GPR158: variants seen among roughly 807,000 people sequenced by gnomAD.
GPR158 encodes the protein metabotropic glycine receptor.
A neutral mutation model predicts 78.2 loss-of-function variants in GPR158; 30 were observed. The observed-to-expected ratio is 0.38, with a 90% confidence interval of 0.29 to 0.52. The LOEUF is 0.52. Among genes scored for constraint, GPR158 ranks in the 20% least tolerant of loss-of-function variants. The probability of loss-of-function intolerance (pLI) is 0.83; values close to 1 mark genes in which losing one functional copy is unlikely to be tolerated. For missense variants in GPR158, 1,463 were observed against 1,523.5 expected, an observed-to-expected ratio of 0.96 and a Z score of 0.66; for synonymous variants, 581 against 591.1, an observed-to-expected ratio of 0.98 and a Z score of 0.25.
chr10:25,529,621 G>A (rs555562893), intron 5 of GPR158, among the ~76,000 whole-genome samples: 2 of 152,202 alleles, frequency 1.3e-5, no homozygotes, highest in South Asian at 4.1e-4. Flanking sequence ...GCAATATAAA[G>A]GTTACTAATA....
At chr10:25,433,961 C>T (rs541483790) in intron 4 of GPR158, among the ~76,000 whole-genome samples, 90 of 151,816 alleles carry the variant, frequency 5.9e-4, no homozygotes, top group Admixed American at 1.7e-3. Flanking sequence ...AGATTGAGAC[C>T]GTCCTGGCTA....
intron 4 of GPR158, among the ~76,000 whole-genome samples, chr10:25,453,397 G>C (rs1192515757): frequency 1.3e-5 from 2 of 151,908 alleles, no homozygotes; most frequent in Admixed American, 1.3e-4. Flanking sequence ...GTTATTTCTT[G>C]TCTTTTTGAT....
At position 25,396,013 on chromosome 10, in the gene GPR158, A is replaced by G. The variant is rs759230110; in HGVS notation, c.1111A>G (p.Arg371Gly). 6.8e-7 allele frequency: 1 copy of G among 1,459,900 alleles called. No homozygotes were observed. The highest frequency in any genetic ancestry group is 1.4e-5 in the African/African-American group (1 of 72,036). 90.4% of individuals were successfully genotyped at this position (1,459,900 alleles called of 1,614,324 possible). Residue 371 changes from arginine to glycine, a missense_variant and splice_region_variant, in exon 3 of 11, where the codon AGA (arginine) becomes GGA (glycine). Arg to Gly is a moderately radical substitution (Grantham distance 125). Transcript: ENST00000376351. ...PGVLPVNNFR[R>G]RGPDQHISGS... ...AGTCTTACCAGTGAACAACTTTCGG[A>G]GTAAGTGCCCTTTGTTTCTATGTAT...
At chr10:25,191,483 A>G (rs1453227299) in intron 1 of GPR158, among the ~76,000 whole-genome samples, 1 of 152,256 alleles carries the variant, frequency 6.6e-6, no homozygotes, top group African/African-American at 2.4e-5. Flanking sequence ...TGTGAACAAG[A>G]CAATCTGCAA....
intron 8 of GPR158, 51 bp from the exon 9 acceptor site, chr10:25,594,241 C>T: frequency 1.1e-6 from 1 of 917,014 alleles, no homozygotes; most frequent in Admixed American, 1.7e-5. Flanking sequence ...TCCTAGTGTT[C>T]TAAGTAGAAT....
chr10:25,379,404 A>G (rs567982435), intron 2 of GPR158, among the ~76,000 whole-genome samples: 1 of 152,152 alleles, frequency 6.6e-6, no homozygotes, highest in Non-Finnish European at 1.5e-5. Flanking sequence ...TGTCCCAGTG[A>G]TGGATAGTAG....
At chr10:25,442,109 A>G (rs186738832) in intron 4 of GPR158, among the ~76,000 whole-genome samples, 1 of 152,332 alleles carries the variant, frequency 6.6e-6, no homozygotes, top group African/African-American at 2.4e-5. Flanking sequence ...AAAGAAATCA[A>G]ATGTGAAGGA....
intron 3 of GPR158, among the ~76,000 whole-genome samples, chr10:25,409,011 T>C (rs1300402343): frequency 6.6e-6 from 1 of 152,194 alleles, no homozygotes; most frequent in Non-Finnish European, 1.5e-5. Flanking sequence ...AGGTTGACAA[T>C]GGAGACACGT....
Position 25,508,624 on chromosome 10 carries a change from A to G in GPR158, c.1404+41905A>G, listed in dbSNP as rs557515165. ...GTTTGCAAGGTCAGTCTCCTGTCCAATCAGAGTTGCTGATGGGACCACAAG... is the reference window on the plus strand; with the variant it reads ...GTTTGCAAGGTCAGTCTCCTGTCCAGTCAGAGTTGCTGATGGGACCACAAG... On this transcript the variant is annotated intron_variant, in intron 5 of 10. Transcript: ENST00000376351. Among the ~76,000 whole-genome samples the G allele has an allele frequency of 4.6e-5, 7 of 152,248 alleles. No homozygotes were observed. In the South Asian group the frequency reaches 8.3e-4, roughly 18 times the overall value.
In GPR158 at chr10:25,517,499, G is replaced by A. The variant is rs929110600; in HGVS notation, c.1405-33477G>A. 1.6e-3 allele frequency among the ~76,000 whole-genome samples: 243 copies of A among 152,180 alleles called. 1 individual carries two copies. Among genetic ancestry groups the A allele is most frequent in the Non-Finnish European group, 2.7e-3 (187 of 68,028 alleles). On this transcript the variant is annotated intron_variant, in intron 5 of 10. Coordinates refer to ENST00000376351, the MANE Select transcript of GPR158 (RefSeq NM_020752.3). ...TTTTTGCCCATTCAGTATGATATAG[G>A]CTGTGGGTTTGTCATAGACAGCTCT...
At chr10:25,396,840 G>A (rs539801292) in intron 3 of GPR158, among the ~76,000 whole-genome samples, 1 of 152,242 alleles carries the variant, frequency 6.6e-6, no homozygotes, top group Non-Finnish European at 1.5e-5. Flanking sequence ...GATCTTCTCA[G>A]AGGCTCAGGG....
intron 2 of GPR158, among the ~76,000 whole-genome samples, chr10:25,260,771 G>T (rs890990352): frequency 2.6e-5 from 4 of 152,046 alleles, no homozygotes; most frequent in African/African-American, 9.7e-5. Flanking sequence ...AGCAAGAATT[G>T]CTGTATATGA....
chr10:25,594,337 G>T lies in GPR158; in HGVS notation c.1938G>T (p.Leu646=). 6.3e-7 allele frequency: 1 copy of T among 1,598,038 alleles called. No individual in the cohort carries two copies. The highest frequency in any genetic ancestry group is 8.6e-7 in the Non-Finnish European group (1 of 1,166,436). ...SRLQSDWMLM[L]YFAHTHLTVT... ...TTCAGTCTGATTGGATGTTGATGCT[G>T]TATTTTGCACATACTCATTTGACTG... is the stretch of plus-strand genomic sequence containing the variant. Residue 646 remains leucine (L), a synonymous_variant, in exon 9 of 11, where the codon CTG becomes CTT. Transcript: ENST00000376351.
At chr10:25,251,460 C>T (rs1375876759) in intron 2 of GPR158, among the ~76,000 whole-genome samples, 5 of 151,562 alleles carry the variant, frequency 3.3e-5, no homozygotes, top group African/African-American at 7.3e-5. Context: ...ACTGGTTGTT[C>T]CTTTCCATGT....
chr10:25,569,418 C>T (rs148673171), intron 6 of GPR158, among the ~76,000 whole-genome samples: 17 of 152,248 alleles, frequency 1.1e-4, no homozygotes, highest in African/African-American at 3.9e-4. Flanking sequence ...TTTAAAGTTT[C>T]AATGGGAATT....
At chr10:25,328,413 A>G (rs1171534910) in intron 2 of GPR158, among the ~76,000 whole-genome samples, 2 of 152,164 alleles carry the variant, frequency 1.3e-5, no homozygotes, top group African/African-American at 4.8e-5. Flanking sequence ...ATGTACTAAT[A>G]TTTATGTTAG....
intron 2 of GPR158, among the ~76,000 whole-genome samples, chr10:25,367,917 G>T (rs1355588482): frequency 1.3e-5 from 2 of 151,836 alleles, no homozygotes; most frequent in Non-Finnish European, 2.9e-5. Context: ...TATACTGTCA[G>T]ATTTTTCAGT....
At chr10:25,471,569 G>C (rs1167087007) in intron 5 of GPR158, among the ~76,000 whole-genome samples, 6 of 152,148 alleles carry the variant, frequency 3.9e-5, no homozygotes, top group Non-Finnish European at 7.3e-5. Flanking sequence ...CTAGTTTACA[G>C]TCCCACCAAT....
chr10:25,339,187 A>G (rs1289350268), intron 2 of GPR158, among the ~76,000 whole-genome samples: 10 of 151,660 alleles, frequency 6.6e-5, no homozygotes, highest in Admixed American at 5.9e-4. Context: ...GGGTCTTGCT[A>G]TGTTGCCCAG....
Sources: gnomAD v4.1 joint callset for allele counts (sites outside exome capture counted in the v4.1 genomes callset) on GRCh38, gnomAD v4.1.1 for gene constraint, MANE v1.5 for transcripts, NCBI Gene and HGNC (gene_info 2026-07-23, HGNC 2026-07-21) for gene names.